Variants in PPFIA2 observed in about 807,000 individuals in gnomAD.
PPFIA2 encodes the protein PPFI scaffold protein A2, also known as liprin-alpha-2.
Under a neutral mutation model 175.5 loss-of-function variants are expected in PPFIA2, and 46 were observed. The ratio of observed to expected loss-of-function variants is 0.26; its 90% CI spans 0.21 to 0.34. PPFIA2 has a LOEUF of 0.34. Ranked by LOEUF, PPFIA2 falls within the 10% of genes least tolerant of loss-of-function variation. The pLI, the probability that PPFIA2 is intolerant of heterozygous loss-of-function variation, is 1.00. For missense variants in PPFIA2, 1,179 were observed against 1,506.1 expected (o/e 0.78, Z 3.60); for synonymous variants, 568 against 511.4 (o/e 1.11, Z -1.49).
At chr12:81,530,689 A>G (rs1451355469) in intron 4 of PPFIA2, among the ~76,000 whole-genome samples, 1 of 151,750 alleles carries the variant, frequency 6.6e-6, no homozygotes, top group Admixed American at 6.6e-5. Flanking sequence ...CAGTCTCCTT[A>G]GTAGTACACA....
intron 7 of PPFIA2, among the ~76,000 whole-genome samples, chr12:81,416,450 G>A (rs1281128730): frequency 1.3e-5 from 2 of 151,506 alleles, no homozygotes; most frequent in East Asian, 1.9e-4. Context: ...CAGTAATTGC[G>A]TTAAAAGTTT....
intron 3 of PPFIA2, among the ~76,000 whole-genome samples, chr12:81,718,004 C>A (rs1233580245): frequency 1.3e-5 from 2 of 151,608 alleles, no homozygotes; most frequent in African/African-American, 4.8e-5. Flanking sequence ...TACTCCTGTC[C>A]CTCACTGGAG....
At chr12:81,685,850 T>A (rs1487815442) in intron 3 of PPFIA2, among the ~76,000 whole-genome samples, 1 of 152,066 alleles carries the variant, frequency 6.6e-6, no homozygotes, top group Non-Finnish European at 1.5e-5. Flanking sequence ...ACATAATAAT[T>A]AACATTTATT....
chr12:81,354,020 C>T (rs1378721876), intron 16 of PPFIA2, among the ~76,000 whole-genome samples: 3 of 152,158 alleles, frequency 2.0e-5, no homozygotes, highest in Non-Finnish European at 2.9e-5. Context: ...AACATACCTT[C>T]ATTAAAAATA....
At chr12:81,616,808 A>AACATGATT (rs1165778347) in intron 4 of PPFIA2, among the ~76,000 whole-genome samples, 2 of 152,240 alleles carry the variant, frequency 1.3e-5, no homozygotes, top group Non-Finnish European at 2.9e-5. Flanking sequence ...CACATTCAGT[A>AACATGATT]ACATGATTAC....
intron 27 of PPFIA2, among the ~76,000 whole-genome samples, chr12:81,280,123 G>C (rs2041719306): frequency 6.6e-6 from 1 of 151,896 alleles, no homozygotes; most frequent in African/African-American, 2.4e-5. Context: ...ATTTCTTTTT[G>C]TTATGTCACT....
intron 7 of PPFIA2, among the ~76,000 whole-genome samples, chr12:81,424,569 G>A (rs1000042009): frequency 2.2e-4 from 34 of 151,906 alleles, no homozygotes; most frequent in Admixed American, 2.2e-3. Flanking sequence ...TCTGCTTTTT[G>A]TACATTAATA....
intron 4 of PPFIA2, chr12:81,512,337 T>G (rs747408760): frequency 8.5e-6 from 11 of 1,288,676 alleles, no homozygotes; most frequent in African/African-American, 1.5e-5. Flanking sequence ...CTGCTATCTC[T>G]TATGTACCTG....
At chr12:81,397,546 C>T (rs1346632699) in intron 8 of PPFIA2, among the ~76,000 whole-genome samples, 3 of 152,088 alleles carry the variant, frequency 2.0e-5, no homozygotes. Flanking sequence ...TTAGTGATGA[C>T]TGTAGCAGGA....
At chr12:81,747,263 A>C (rs1395026651) in intron 3 of PPFIA2, among the ~76,000 whole-genome samples, 1 of 144,360 alleles carries the variant, frequency 6.9e-6, no homozygotes, top group Non-Finnish European at 1.6e-5. Context: ...TAGGTTTCAC[A>C]AAAAACAAAG....
chr12:81,429,829 A>G (rs1418923189), intron 7 of PPFIA2, among the ~76,000 whole-genome samples: 2 of 152,112 alleles, frequency 1.3e-5, no homozygotes, highest in Admixed American at 6.6e-5. Flanking sequence ...GCTGTGAAAT[A>G]CTGGCTTTTA....
At chr12:81,342,023 T>C (rs1454392185) in intron 19 of PPFIA2, among the ~76,000 whole-genome samples, 1 of 152,014 alleles carries the variant, frequency 6.6e-6, no homozygotes, top group Non-Finnish European at 1.5e-5. Context: ...AAAGGTAAGA[T>C]AGTAATGTTT....
At chr12:81,312,780 A>G (rs1566078702) in intron 22 of PPFIA2, among the ~76,000 whole-genome samples, 2 of 152,200 alleles carry the variant, frequency 1.3e-5, no homozygotes, top group Non-Finnish European at 2.9e-5. Context: ...AAATGTGTAA[A>G]GTCCATTCCA....
At chr12:81,747,049 T>A (rs1329392477) in intron 3 of PPFIA2, among the ~76,000 whole-genome samples, 1 of 143,352 alleles carries the variant, frequency 7.0e-6, no homozygotes, top group Non-Finnish European at 1.6e-5. Context: ...AAAACAATGA[T>A]GATAGAAGCC....
At chr12:81,642,052 C>G (rs1050556453) in intron 4 of PPFIA2, among the ~76,000 whole-genome samples, 1 of 151,850 alleles carries the variant, frequency 6.6e-6, no homozygotes, top group African/African-American at 2.4e-5. Flanking sequence ...CTTGCAGTAT[C>G]AAATAATGGA....
chr12:81,301,540 C>T (rs147213549), intron 22 of PPFIA2, among the ~76,000 whole-genome samples: 309 of 152,188 alleles, frequency 2.0e-3, no homozygotes, highest in African/African-American at 6.9e-3. Flanking sequence ...CCAGAGTGAT[C>T]CTTTTGAGTC....
chr12:81,500,346 T>C (rs1437331339), intron 4 of PPFIA2, among the ~76,000 whole-genome samples: 2 of 152,176 alleles, frequency 1.3e-5, no homozygotes, highest in African/African-American at 4.8e-5. Context: ...AGCCTCCACA[T>C]ATAGTAAAGT....
At chr12:81,419,261 C>T (rs1211184654) in intron 7 of PPFIA2, among the ~76,000 whole-genome samples, 10 of 152,022 alleles carry the variant, frequency 6.6e-5, no homozygotes, top group East Asian at 1.9e-4. Flanking sequence ...TGCTCAACTA[C>T]GCTCTGCCTC....
chr12:81,464,486 C>G (rs1203080134), intron 4 of PPFIA2, among the ~76,000 whole-genome samples: 1 of 152,090 alleles, frequency 6.6e-6, no homozygotes, highest in East Asian at 1.9e-4. Context: ...GTGCTGACTT[C>G]TAAGCTAAGG....
Sources: allele counts gnomAD v4.1 joint callset (sites outside exome capture counted in the v4.1 genomes callset), GRCh38; gene constraint gnomAD v4.1.1; transcripts MANE v1.5; gene names NCBI Gene and HGNC (gene_info 2026-07-23, HGNC 2026-07-21).